The following ANO2 variants were observed in gnomAD, a reference collection of about 807,000 sequenced individuals.
ANO2 encodes anoctamin-2.
ANO2 carries 101 observed loss-of-function variants against 124.2 expected under a neutral mutation model. That is an observed-to-expected ratio of 0.81 (90% CI 0.69 to 0.96). The LOEUF (loss-of-function observed/expected upper bound fraction) is 0.96, where lower values mean the gene tolerates loss of function less well. Among genes scored for constraint, ANO2 ranks in the 40% least tolerant of loss-of-function variants. The pLI, the probability that ANO2 is intolerant of heterozygous loss-of-function variation, is 0.00. For missense variants in ANO2, 1,293 were observed against 1,274.5 expected, an observed-to-expected ratio of 1.01 and a Z score of -0.22; for synonymous variants, 486 against 482.5, an observed-to-expected ratio of 1.01 and a Z score of -0.09.
intron 12 of ANO2, 39 bp downstream of exon 12, chr12:5,744,118 G>C: frequency 6.2e-7 from 1 of 1,611,128 alleles, no homozygotes. Flanking sequence ...CCATGTAAAG[G>C]AACCACCCAT....
chr12:5,668,395 G>GTTTTTTTTTTTTTTT (rs539092061), intron 14 of ANO2, among the ~76,000 whole-genome samples: 1 of 149,180 alleles, frequency 6.7e-6, no homozygotes, highest in African/African-American at 2.5e-5. Context: ...ACTTTTTAAT[G>GTTTTTTTTTTTTTTT]TTTTTTTTTT....
At chr12:5,805,938 G>C in intron 9 of ANO2, 114 bp downstream of exon 9, 3 of 1,050,190 alleles carry the variant, frequency 2.9e-6, no homozygotes, top group Non-Finnish European at 4.1e-6. Context: ...TGGTAAAATT[G>C]TTGGAAAGTA....
intron 4 of ANO2, chr12:5,851,914 T>A (rs766072700): frequency 8.1e-6 from 6 of 736,470 alleles, no homozygotes; most frequent in Non-Finnish European, 1.5e-5. Context: ...AGGGTTACCC[T>A]GGGGGATGGA....
intron 10 of ANO2, among the ~76,000 whole-genome samples, chr12:5,786,408 C>T (rs1190170157): frequency 6.6e-6 from 1 of 152,136 alleles, no homozygotes; most frequent in African/African-American, 2.4e-5. Context: ...CAGTGGGTTA[C>T]AGTGGCACAC....
At chr12:5,853,342 T>TAA (rs35363284) in intron 4 of ANO2, among the ~76,000 whole-genome samples, 1 of 145,798 alleles carries the variant, frequency 6.9e-6, no homozygotes, top group African/African-American at 2.6e-5. Flanking sequence ...TATCCTGGAT[T>TAA]AAAAAAAAAA....
intron 7 of ANO2, among the ~76,000 whole-genome samples, chr12:5,827,333 T>C (rs1455575595): frequency 2.6e-5 from 4 of 151,258 alleles, no homozygotes; most frequent in Admixed American, 6.6e-5. Context: ...CTGTGTGGGC[T>C]TAGGACAGTC....
chr12:5,932,224 A>C (rs1003822539), intron 1 of ANO2, among the ~76,000 whole-genome samples: 3 of 151,226 alleles, frequency 2.0e-5, no homozygotes, highest in Admixed American at 2.0e-4. Context: ...TAATAAGGAA[A>C]GAAGGTAGAC....
At chr12:5,617,149 A>G (rs1408087840) in intron 16 of ANO2, among the ~76,000 whole-genome samples, 1 of 151,388 alleles carries the variant, frequency 6.6e-6, no homozygotes, top group Non-Finnish European at 1.5e-5. Flanking sequence ...ACCACAGTGT[A>G]CCAACCTCTC....
chr12:5,662,369 G>C (rs1947490074), intron 14 of ANO2, among the ~76,000 whole-genome samples: 1 of 152,160 alleles, frequency 6.6e-6, no homozygotes, highest in South Asian at 2.1e-4. Flanking sequence ...AGAGGTGCCA[G>C]GCTTCTTAGT....
intron 12 of ANO2, among the ~76,000 whole-genome samples, chr12:5,743,597 T>G (rs189764448): frequency 7.9e-5 from 12 of 152,220 alleles, no homozygotes; most frequent in Admixed American, 5.9e-4. Flanking sequence ...GAATTATTTT[T>G]TCCTCCACTA....
intron 14 of ANO2, among the ~76,000 whole-genome samples, chr12:5,667,897 G>A (rs1463141110): frequency 6.6e-6 from 1 of 152,106 alleles, no homozygotes; most frequent in East Asian, 1.9e-4. Flanking sequence ...TCCTTTCTAT[G>A]GCTGCATAGT....
At chr12:5,674,820 G>C (rs532784862) in intron 14 of ANO2, among the ~76,000 whole-genome samples, 5 of 152,364 alleles carry the variant, frequency 3.3e-5, no homozygotes, top group South Asian at 2.1e-4. Flanking sequence ...GTGAAGAGTA[G>C]AGGAAATTAT....
intron 14 of ANO2, among the ~76,000 whole-genome samples, chr12:5,732,256 C>T (rs1950671707): frequency 6.6e-6 from 1 of 152,040 alleles, no homozygotes; most frequent in African/African-American, 2.4e-5. Flanking sequence ...AGGAATCAGG[C>T]CTGAAACTGT....
intron 3 of ANO2, among the ~76,000 whole-genome samples, chr12:5,888,245 G>C (rs959184096): frequency 2.0e-5 from 3 of 152,046 alleles, no homozygotes; most frequent in African/African-American, 7.2e-5. Context: ...TCCTCCCGGT[G>C]GGTTCGTGGT....
At chr12:5,708,755 A>G (rs1949707496) in intron 14 of ANO2, among the ~76,000 whole-genome samples, 1 of 152,234 alleles carries the variant, frequency 6.6e-6, no homozygotes, top group African/African-American at 2.4e-5. Context: ...GACATGCAGC[A>G]TATGCTAGGT....
At chr12:5,598,651 C>T (rs888556692) in intron 20 of ANO2, among the ~76,000 whole-genome samples, 2 of 152,192 alleles carry the variant, frequency 1.3e-5, no homozygotes, top group African/African-American at 4.8e-5. Context: ...CCACTGCGCT[C>T]GTCTTATACC....
chr12:5,742,070 T>G (rs1541531), intron 12 of ANO2, among the ~76,000 whole-genome samples: 152,090 of 152,128 alleles, frequency 1, 76,026 homozygotes, highest in Non-Finnish European at 1. Context: ...GACCTACAGG[T>G]GAGCCAACAG....
At chr12:5,887,198 G>C (rs1938982592) in intron 3 of ANO2, among the ~76,000 whole-genome samples, 1 of 151,774 alleles carries the variant, frequency 6.6e-6, no homozygotes. Context: ...AAAGCAGAGA[G>C]GAATAAGAAA....
At chr12:5,849,278 G>C (rs2137245918) in intron 4 of ANO2, among the ~76,000 whole-genome samples, 1 of 152,342 alleles carries the variant, frequency 6.6e-6, no homozygotes, top group South Asian at 2.1e-4. Context: ...TCACTGACAT[G>C]AAAGTCGTCC....
Sources: allele counts gnomAD v4.1 joint callset (sites outside exome capture counted in the v4.1 genomes callset), GRCh38; gene constraint gnomAD v4.1.1; transcripts MANE v1.5; gene names NCBI Gene and HGNC (gene_info 2026-07-23, HGNC 2026-07-21).